The following MAPK9 variants were observed in gnomAD, a reference collection of about 807,000 sequenced individuals.
The protein encoded by MAPK9 is Jun kinase.
A neutral mutation model predicts 57.1 loss-of-function variants in MAPK9; 30 were observed. That is an observed-to-expected ratio of 0.53 (90% CI 0.39 to 0.71). MAPK9 has a LOEUF of 0.71. MAPK9 is among the 30% of genes least tolerant of loss of function. MAPK9 has a pLI of 0.00. For missense variants in MAPK9, 362 were observed against 521.0 expected (o/e 0.69, Z 2.97); for synonymous variants, 155 against 177.0 (o/e 0.88, Z 0.99).
intron 1 of MAPK9, among the ~76,000 whole-genome samples, chr5:180,288,057 A>G (rs1294508504): frequency 1.3e-5 from 2 of 152,222 alleles, no homozygotes; most frequent in African/African-American, 4.8e-5. Context: ...ACTCATCTGC[A>G]ACACGGACGA....
rs141178666 is a variant in MAPK9 at position 180,268,000 on chromosome 5, C to T, written c.252+1280G>A. 6.9e-3 allele frequency among the ~76,000 whole-genome samples: 1,054 copies of T among 151,904 alleles called. 14 individuals carry two copies. Among genetic ancestry groups the T allele is most frequent in the African/African-American group, 0.025 (1,023 of 41,458 alleles). ...ACCTCACCCTCCTTAATTTTTTGTA[C>T]TTTTTAGTAGAGATGGGGTTTCACC... On this transcript the variant is annotated intron_variant, in intron 3 of 11. Transcript: ENST00000452135.
chr5:180,267,092 A>G (rs1756800084), intron 3 of MAPK9, among the ~76,000 whole-genome samples: 1 of 152,250 alleles, frequency 6.6e-6, no homozygotes, highest in African/African-American at 2.4e-5. Flanking sequence ...GATGAAGAAT[A>G]ACACGATTAA....
chr5:180,241,839 A>G (rs1757692248), intron 8 of MAPK9, among the ~76,000 whole-genome samples: 1 of 152,326 alleles, frequency 6.6e-6, no homozygotes, highest in South Asian at 2.1e-4. Context: ...TGTGGGCATG[A>G]GGCACGGGGG....
In MAPK9 at chr5:180,291,909, G is replaced by C. The variant is rs1201288761; in HGVS notation, c.-109C>G. 1.4e-5 allele frequency: 2 copies of C among 147,378 alleles called. No individual in the cohort carries two copies. The highest frequency in any genetic ancestry group is 4.9e-5 in the African/African-American group (2 of 40,786). The allele number at this position is 147,378 out of a possible 1,614,324, so 9.1% of individuals were successfully genotyped here. The stretch of plus-strand genomic sequence containing the variant: ...GGCGGGCGGACTGGCGGCGCTGCGT[G>C]CTAGTCACTCCTGGCTCCGCGGCCC... On this transcript the variant is annotated 5_prime_UTR_variant, in exon 1 of 12. Transcript: ENST00000452135.
At chr5:180,239,134 G>A (rs1277091044) in intron 10 of MAPK9, among the ~76,000 whole-genome samples, 1 of 152,222 alleles carries the variant, frequency 6.6e-6, no homozygotes, top group Non-Finnish European at 1.5e-5. Flanking sequence ...GGCCAGAAAT[G>A]AATCCACAGG....
chr5:180,277,701 A>G (rs1259063592), intron 2 of MAPK9, among the ~76,000 whole-genome samples: 1 of 152,220 alleles, frequency 6.6e-6, no homozygotes, highest in African/African-American at 2.4e-5. Context: ...CATAATGCCA[A>G]TATTTTAATA....
rs767097311 is a variant in MAPK9 at position 180,236,492 on chromosome 5, C to T, written c.1167G>A (p.Gln389=). ...ATGAAATGTCATTGATCGATGAAGA[C>T]TGAGAAGGAGTGGCGTTGCTACTTA... ...AAVSSNATPS[Q]SSSINDISSM... Residue 389 remains glutamine, a synonymous_variant, in exon 12 of 12, where the codon CAG becomes CAA. Coordinates refer to ENST00000452135, the MANE Select transcript of MAPK9 (RefSeq NM_002752.5). 1 of 1,614,028 alleles carries T rather than the reference C, an allele frequency of 6.2e-7. No homozygotes were observed. Among genetic ancestry groups the T allele is most frequent in the Admixed American group, 1.7e-5 (1 of 60,008 alleles).
intron 10 of MAPK9, 115 bp downstream of exon 10, chr5:180,239,809 G>C (rs1757501920): frequency 1.1e-6 from 1 of 924,432 alleles, no homozygotes; most frequent in Non-Finnish European, 1.7e-6. Flanking sequence ...AGGCTAAGTG[G>C]GTCGCAGGGT....
At position 180,234,949 on chromosome 5, in the gene MAPK9, T is replaced by G. The variant is rs930216937; in HGVS notation, c.*1435A>C. ...TCGACTGAAAAGCTTCCAAAATAAT[T>G]GAACACAAGATATGAATCAGCAACA... On this transcript the variant is annotated 3_prime_UTR_variant, in exon 12 of 12. Coordinates refer to ENST00000452135, the MANE Select transcript of MAPK9 (RefSeq NM_002752.5). 4 of 152,112 alleles carry G rather than the reference T, an allele frequency of 2.6e-5. No individual in the cohort carries two copies. Among genetic ancestry groups the G allele is most frequent in the African/African-American group, 7.2e-5 (3 of 41,410 alleles). The allele number at this position is 152,112 out of a possible 1,614,324, so 9.4% of individuals were successfully genotyped here. A position where few individuals can be genotyped will look rare whatever the true frequency, so the allele number is the denominator to read the frequency against.
chr5:180,242,851 G>T (rs772849597), intron 7 of MAPK9, 96 bp from the exon 8 acceptor site: 38 of 869,080 alleles, frequency 4.4e-5, no homozygotes, highest in Non-Finnish European at 5.5e-5. Flanking sequence ...TATCGACTAG[G>T]CCACCCCACT....
At chr5:180,244,058 A>G (rs1181332908) in intron 7 of MAPK9, among the ~76,000 whole-genome samples, 1 of 152,158 alleles carries the variant, frequency 6.6e-6, no homozygotes, top group Non-Finnish European at 1.5e-5. Flanking sequence ...CATGTTGGCC[A>G]GGCTGGTCTG....
chr5:180,291,976 G>GCTCCGCC lies in MAPK9; in HGVS notation c.-177_-176insGGCGGAG, dbSNP rs1440984341. 1.0e-4 allele frequency: 10 copies of GCTCCGCC among 99,424 alleles called. No individual in the cohort carries two copies. Among genetic ancestry groups the GCTCCGCC allele is most frequent in the African/African-American group, 3.2e-4 (10 of 31,162 alleles). The allele number at this position is 99,424 out of a possible 1,614,324, so 6.2% of individuals were successfully genotyped here. ...CCGCCCCGCTCCGCTCCGCCCCGCCGCCGCCGCCGCCGCCGCCGCCGCAGT... is the reference window on the plus strand; with the variant it reads ...CCGCCCCGCTCCGCTCCGCCCCGCCGCTCCGCCCCGCCGCCGCCGCCGCCGCCGCAGT... On this transcript the variant is annotated 5_prime_UTR_variant, in exon 1 of 12. Coordinates refer to ENST00000452135, the MANE Select transcript of MAPK9 (RefSeq NM_002752.5).
intron 4 of MAPK9, among the ~76,000 whole-genome samples, chr5:180,264,285 A>G (rs1760307225): frequency 6.6e-6 from 1 of 152,190 alleles, no homozygotes; most frequent in African/African-American, 2.4e-5. Flanking sequence ...GGGCAATCAG[A>G]TATTTGTTAA....
intron 2 of MAPK9, among the ~76,000 whole-genome samples, chr5:180,271,086 T>G (rs978348318): frequency 2.0e-5 from 3 of 152,176 alleles, no homozygotes; most frequent in Non-Finnish European, 2.9e-5. Flanking sequence ...TGTGAGGTAA[T>G]GCATATGTTA....
chr5:180,283,530 T>G (rs537800239), intron 1 of MAPK9, among the ~76,000 whole-genome samples: 1 of 152,374 alleles, frequency 6.6e-6, no homozygotes, highest in South Asian at 2.1e-4. Context: ...CAACTCTCCC[T>G]GCTATAACTG....
At chr5:180,261,911 C>T in intron 4 of MAPK9, 89 bp from the exon 5 acceptor site, 1 of 1,119,044 alleles carries the variant, frequency 8.9e-7, no homozygotes. Context: ...TACTTCCAAT[C>T]ACTGCACTGG....
rs996280340 is a variant in MAPK9 at position 180,236,355 on chromosome 5, A to T, written c.*29T>A. The T allele has an allele frequency of 1.3e-6, 2 of 1,582,088 alleles. No homozygotes were observed. Among genetic ancestry groups the T allele is most frequent in the African/African-American group, 2.7e-5 (2 of 74,230 alleles). ...GCCCACGGAGGTGAGAGTTCCTTCA[A>T]TGCTGACAGGTTTGCTATTTCTAAC... On this transcript the variant is annotated 3_prime_UTR_variant, in exon 12 of 12. Coordinates refer to ENST00000452135, the MANE Select transcript of MAPK9 (RefSeq NM_002752.5).
At chr5:180,244,525 C>T (rs1258736782) in intron 7 of MAPK9, among the ~76,000 whole-genome samples, 6 of 152,052 alleles carry the variant, frequency 3.9e-5, no homozygotes, top group South Asian at 4.2e-4. Context: ...CCTGTAATCC[C>T]GGCACTTTGG....
At chr5:180,266,622 CTTT>C (rs902504191) in intron 3 of MAPK9, among the ~76,000 whole-genome samples, 3 of 144,840 alleles carry the variant, frequency 2.1e-5, no homozygotes. Flanking sequence ...CCGGCTGATA[CTTT>C]TTTTTTTTTA....
Sources: allele counts gnomAD v4.1 joint callset (sites outside exome capture counted in the v4.1 genomes callset), GRCh38; gene constraint gnomAD v4.1.1; transcripts MANE v1.5; gene names NCBI Gene and HGNC (gene_info 2026-07-23, HGNC 2026-07-21).